Variants in NACC1 observed in about 807,000 individuals in gnomAD.
The protein encoded by NACC1 is nucleus accumbens associated 1, also known as nucleus accumbens-associated protein 1.
Under a neutral mutation model 41.7 loss-of-function variants are expected in NACC1, and 6 were observed. The ratio of observed to expected loss-of-function variants is 0.14; its 90% CI spans 0.08 to 0.28. The LOEUF is 0.28. NACC1 is among the 10% of genes least tolerant of loss of function. NACC1 has a pLI of 1.00. For synonymous variants in NACC1, 338 were observed against 330.6 expected, an observed-to-expected ratio of 1.02 and a Z score of -0.24; for missense variants, 434 against 763.7, an observed-to-expected ratio of 0.57 and a Z score of 5.09.
chr19:13,121,462 T>TA (rs1387294153), intron 1 of NACC1, among the ~76,000 whole-genome samples: 4 of 152,120 alleles, frequency 2.6e-5, no homozygotes, highest in African/African-American at 9.7e-5. Flanking sequence ...CTAGGGTATT[T>TA]AAAAAATCTG....
rs1158609437 is a variant in NACC1, at chr19:13,139,774, CAG to C, written c.*1371_*1372del. On this transcript the variant is annotated 3_prime_UTR_variant, in exon 6 of 6. Transcript: ENST00000292431. ...CCATTCCTCTCTTTTTGTTCTCGCCCAGAGTGGGTGGTTTTTTGTTGTTGTTT... is the reference window on the plus strand; with the variant it reads ...CCATTCCTCTCTTTTTGTTCTCGCCCAGTGGGTGGTTTTTTGTTGTTGTTT... 6.6e-6 allele frequency: 1 copy of C among 152,440 alleles called. No individual in the cohort carries two copies. Among genetic ancestry groups the C allele is most frequent in the Non-Finnish European group, 1.5e-5 (1 of 68,216 alleles). 9.4% of individuals were successfully genotyped at this position (152,440 alleles called of 1,614,324 possible).
At chr19:13,118,207 C>G (rs1045442499), upstream of NACC1, 2 of 150,744 alleles carry the variant, frequency 1.3e-5, no homozygotes, top group African/African-American at 4.9e-5. Flanking sequence ...CGGGCGGGGC[C>G]GGGGCCGCTC....
In NACC1 at chr19:13,139,173, G is replaced by A. The variant is rs2019751002; in HGVS notation, c.*767G>A. ...CAGGGCTGGCAGAGTGTGTGCGTGT[G>A]TGTGTGCAGAAGTTTTGCTTTCAAA... On this transcript the variant is annotated 3_prime_UTR_variant, in exon 6 of 6. Coordinates refer to ENST00000292431, the MANE Select transcript of NACC1 (RefSeq NM_052876.4). 1 of 152,192 alleles carries A rather than the reference G, an allele frequency of 6.6e-6. No homozygotes were observed. Among genetic ancestry groups the A allele is most frequent in the East Asian group, 1.9e-4 (1 of 5,146 alleles). The allele number at this position is 152,192 out of a possible 1,614,324, so 9.4% of individuals were successfully genotyped here.
rs755970142 is a variant in NACC1, at chr19:13,137,450, T to TG, written c.1227-27dup. ...TCCCCCCCACCACCAACTTGAGCGC[T>TG]GACTCCCTCCATGTCCCCTGCCCCC... On this transcript the variant is annotated intron_variant, in intron 4 of 5. Coordinates refer to ENST00000292431, the MANE Select transcript of NACC1 (RefSeq NM_052876.4). This position sits in a 1 kb window ranked among gnomAD's most constrained non-coding sequence, Gnocchi z 6.1. 18 of 1,610,232 alleles carry TG rather than the reference T, an allele frequency of 1.1e-5. 1 individual carries two copies. In the South Asian group the frequency reaches 2.0e-4, roughly 18 times the overall value.
At chr19:13,125,244 G>A (rs1257136170) in intron 1 of NACC1, among the ~76,000 whole-genome samples, 2 of 152,074 alleles carry the variant, frequency 1.3e-5, no homozygotes, top group East Asian at 3.9e-4. Flanking sequence ...CCCATATCAC[G>A]GTGCTAGCAG....
chr19:13,130,104 T>G (rs1266073809), intron 1 of NACC1, among the ~76,000 whole-genome samples: 2 of 152,026 alleles, frequency 1.3e-5, no homozygotes, highest in Non-Finnish European at 2.9e-5. Flanking sequence ...AGAGACAGGG[T>G]CTCGCTCTAT....
chr19:13,138,464 C>G lies in NACC1; in HGVS notation c.*58C>G. ...CCCTCCCAACACACACACACACCTG[C>G]CATCTTGGTCATGAGCTACTGTCTG... On this transcript the variant is annotated 3_prime_UTR_variant, in exon 6 of 6. Transcript: ENST00000292431. The surrounding 1 kb of genome is among the most constrained non-coding windows in gnomAD (Gnocchi z 5.7). 2 of 1,582,518 alleles carry G rather than the reference C, an allele frequency of 1.3e-6. No individual in the cohort carries two copies. The highest frequency in any genetic ancestry group is 1.1e-5 in the South Asian group (1 of 89,206).
At chr19:13,131,637 C>G (rs1568384540) in intron 1 of NACC1, 1 of 152,378 alleles carries the variant, frequency 6.6e-6, no homozygotes, top group East Asian at 1.9e-4. Context: ...CCAGCCTCCA[C>G]CCTCTGATTG....
In NACC1 at chr19:13,138,049, T is replaced by C; in HGVS notation, c.1325-98T>C. The C allele has an allele frequency of 6.5e-7, 1 of 1,537,020 alleles. No homozygotes were observed. On this transcript the variant is annotated intron_variant, in intron 5 of 5. Coordinates refer to ENST00000292431, the MANE Select transcript of NACC1 (RefSeq NM_052876.4). This position sits in a 1 kb window ranked among gnomAD's most constrained non-coding sequence, Gnocchi z 5.7. ...CCGCGTGGCCTCACTCGTTTCCCCT[T>C]TGAGAGGGAGTCGCAGATGCTGTAG...
At chr19:13,130,381 C>G (rs530445704) in intron 1 of NACC1, among the ~76,000 whole-genome samples, 1 of 151,446 alleles carries the variant, frequency 6.6e-6, no homozygotes, top group African/African-American at 2.4e-5. Flanking sequence ...CCCAGCCTCT[C>G]TGCACTGTTC....
At chr19:13,120,782 T>C (rs539072187) in intron 1 of NACC1, among the ~76,000 whole-genome samples, 1 of 152,344 alleles carries the variant, frequency 6.6e-6, no homozygotes, top group African/African-American at 2.4e-5. Context: ...GAGTTGGCCC[T>C]GGTGAGTGGG....
At chr19:13,130,118 C>G (rs898866248) in intron 1 of NACC1, among the ~76,000 whole-genome samples, 2 of 151,992 alleles carry the variant, frequency 1.3e-5, no homozygotes, top group Non-Finnish European at 1.5e-5. Flanking sequence ...GCTCTATGAC[C>G]CAGGCTGAAA....
chr19:13,127,400 T>TTTTTTTTTTTTTTTTTTTTTTTC lies in NACC1; in HGVS notation c.-8-7800_-8-7799insTTTTTTTTTTTTTTTTTTTTTTC, dbSNP rs1245933408. On this transcript the variant is annotated intron_variant, in intron 1 of 5. Transcript: ENST00000292431. The stretch of plus-strand genomic sequence containing the variant: ...TTTTTTTTTTTTTTTTTTTTTTTTT[T>TTTTTTTTTTTTTTTTTTTTTTTC]CGGTTAACTGGATGGGCCGGGTGCC... 5.0e-5 allele frequency among the ~76,000 whole-genome samples: 5 copies of TTTTTTTTTTTTTTTTTTTTTTTC among 100,870 alleles called. 1 individual carries two copies. The highest frequency in any genetic ancestry group is 2.0e-4 in the African/African-American group (5 of 25,596). The allele number at this position is 100,870 out of a possible 152,430, so 66.2% of individuals were successfully genotyped here. A position where few individuals can be genotyped will look rare whatever the true frequency, so the allele number is the denominator to read the frequency against.
At chr19:13,118,173 AGGGCGGGGCCCGAGGGCGGTGCGC>A (rs2019420222), upstream of NACC1, 2 of 151,492 alleles carry the variant, frequency 1.3e-5, no homozygotes, top group Admixed American at 6.6e-5. Flanking sequence ...CCTCGCCTGG[AGGGCGGGGCCCGAGGGCGGTGCGC>A]GGGCGGGGCC....
intron 1 of NACC1, among the ~76,000 whole-genome samples, chr19:13,127,547 C>A (rs1318565520): frequency 6.6e-6 from 1 of 151,436 alleles, no homozygotes; most frequent in Non-Finnish European, 1.5e-5. Flanking sequence ...AAAAATTAGC[C>A]AGGCATGGTG....
rs1299370532 is a variant in NACC1, at chr19:13,139,092, A to AGGGG, written c.*690_*693dup. 6.7e-6 allele frequency: 1 copy of AGGGG among 150,246 alleles called. No individual in the cohort carries two copies. Among genetic ancestry groups the AGGGG allele is most frequent in the Non-Finnish European group, 1.5e-5 (1 of 67,730 alleles). 9.3% of individuals were successfully genotyped at this position (150,246 alleles called of 1,614,324 possible). On this transcript the variant is annotated 3_prime_UTR_variant, in exon 6 of 6. Transcript: ENST00000292431. ...GCCTCAGAGAGGCAGGTCCTAAAGG[A>AGGGG]GGGGGGGTCTCCTGGGGGCAGACCG...
chr19:13,130,057 G>A (rs987285991), intron 1 of NACC1, among the ~76,000 whole-genome samples: 1 of 151,922 alleles, frequency 6.6e-6, no homozygotes, highest in Non-Finnish European at 1.5e-5. Context: ...TAGTGGGGTC[G>A]GGGGATGTGG....
rs1203139567 is a variant in NACC1, at chr19:13,139,182, G to C, written c.*776G>C. ...CAGAGTGTGTGCGTGTGTGTGTGCA[G>C]AAGTTTTGCTTTCAAACAAATGAAG... On this transcript the variant is annotated 3_prime_UTR_variant, in exon 6 of 6. Coordinates refer to ENST00000292431, the MANE Select transcript of NACC1 (RefSeq NM_052876.4). The C allele has an allele frequency of 2.0e-5, 3 of 151,960 alleles. No individual in the cohort carries two copies. The highest frequency in any genetic ancestry group is 7.3e-5 in the African/African-American group (3 of 41,294). 9.4% of individuals were successfully genotyped at this position (151,960 alleles called of 1,614,324 possible).
At chr19:13,117,798 C>A (rs1328015613), upstream of NACC1, among the ~76,000 whole-genome samples, 1 of 152,134 alleles carries the variant, frequency 6.6e-6, no homozygotes, top group Non-Finnish European at 1.5e-5. Flanking sequence ...AGGCGATCCA[C>A]CCACCTCGGT....
Sources: gnomAD v4.1 joint callset for allele counts (sites outside exome capture counted in the v4.1 genomes callset) on GRCh38, gnomAD v4.1.1 for gene constraint, Gnocchi (gnomAD v3.1) non-coding constraint, MANE v1.5 for transcripts, NCBI Gene and HGNC (gene_info 2026-07-23, HGNC 2026-07-21) for gene names.